Variants in ROBO2 observed in about 807,000 individuals in gnomAD.
The protein encoded by ROBO2 is roundabout guidance receptor 2, also known as roundabout homolog 2.
A neutral mutation model predicts 160.8 loss-of-function variants in ROBO2; 53 were observed. That is an observed-to-expected ratio of 0.33 (90% CI 0.26 to 0.41). The LOEUF (loss-of-function observed/expected upper bound fraction) is 0.41. Among genes scored for constraint, ROBO2 ranks in the 10% least tolerant of loss-of-function variants. ROBO2 has a pLI of 1.00. For synonymous variants in ROBO2, 664 were observed against 611.7 expected, an observed-to-expected ratio of 1.09 and a Z score of -1.26; for missense variants, 1,577 against 1,722.4, an observed-to-expected ratio of 0.92 and a Z score of 1.49.
intron 9 of ROBO2, among the ~76,000 whole-genome samples, chr3:77,562,182 C>T: frequency 6.6e-6 from 1 of 152,030 alleles, no homozygotes; most frequent in Non-Finnish European, 1.5e-5. Context: ...CCCTTATTGT[C>T]TTATTGCTTA....
intron 2 of ROBO2, among the ~76,000 whole-genome samples, chr3:76,414,437 T>C (rs1418026347): frequency 6.6e-6 from 1 of 151,822 alleles, no homozygotes; most frequent in East Asian, 1.9e-4. Flanking sequence ...TATGCAGCCA[T>C]AAAAAATGAT....
intron 2 of ROBO2, among the ~76,000 whole-genome samples, chr3:77,295,566 AATTG>A (rs2061976737): frequency 1.2e-5 from 1 of 85,788 alleles, no homozygotes; most frequent in Non-Finnish European, 3.0e-5. Flanking sequence ...CATAAAGTAA[AATTG>A]ACTGTTAAAC....
chr3:77,522,209 T>C lies in ROBO2; in HGVS notation c.807-566T>C, dbSNP rs1448033288. ...ACGTGAACGAGCTGAGGATGTGCAT[T>C]TCCAAAAATCACTCCAAGGCATGTT... is the stretch of plus-strand genomic sequence containing the variant. On this transcript the variant is annotated intron_variant, in intron 5 of 25. Coordinates refer to ENST00000461745, the Ensembl canonical transcript of ROBO2. Among the ~76,000 whole-genome samples the C allele has an allele frequency of 2.6e-5, 4 of 151,198 alleles. No individual in the cohort carries two copies. In the East Asian group the frequency reaches 5.9e-4, roughly 22 times the overall value.
intron 2 of ROBO2, among the ~76,000 whole-genome samples, chr3:77,144,871 T>A (rs1307055695): frequency 6.6e-6 from 1 of 152,230 alleles, no homozygotes; most frequent in East Asian, 1.9e-4. Context: ...GAAATAATTT[T>A]TTATTAATGC....
At chr3:77,080,317 G>T (rs540465214) in intron 1 of ROBO2, among the ~76,000 whole-genome samples, 5 of 152,134 alleles carry the variant, frequency 3.3e-5, no homozygotes, top group Non-Finnish European at 7.3e-5. Context: ...TTAATTTTGA[G>T]AGCAAATTTA....
At chr3:76,547,391 T>C (rs2083168478) in intron 2 of ROBO2, among the ~76,000 whole-genome samples, 1 of 151,980 alleles carries the variant, frequency 6.6e-6, no homozygotes, top group Non-Finnish European at 1.5e-5. Context: ...GTCATTTGTA[T>C]AACACCACAT....
chr3:76,982,181 C>G (rs1005669544), intron 2 of ROBO2, among the ~76,000 whole-genome samples: 2 of 152,096 alleles, frequency 1.3e-5, no homozygotes, highest in Non-Finnish European at 2.9e-5. Context: ...AAGATTTACC[C>G]CTATGTTTTC....
At chr3:77,572,756 A>G (rs1486754334) in intron 13 of ROBO2, among the ~76,000 whole-genome samples, 2 of 151,660 alleles carry the variant, frequency 1.3e-5, no homozygotes, top group Admixed American at 1.3e-4. Context: ...TGCATTTTTA[A>G]CTTTCTAAAG....
chr3:76,877,365 T>C (rs531323714), intron 2 of ROBO2, among the ~76,000 whole-genome samples: 1 of 152,300 alleles, frequency 6.6e-6, no homozygotes, highest in East Asian at 1.9e-4. Flanking sequence ...CCAAGCCTAA[T>C]TAATTTAGTA....
intron 2 of ROBO2, among the ~76,000 whole-genome samples, chr3:76,669,023 G>A (rs1467634462): frequency 6.6e-6 from 1 of 151,980 alleles, no homozygotes; most frequent in African/African-American, 2.4e-5. Context: ...AGCGAGAGAG[G>A]GGCATGCTTC....
At chr3:76,994,194 A>C (rs1021154159) in intron 2 of ROBO2, among the ~76,000 whole-genome samples, 8 of 152,176 alleles carry the variant, frequency 5.3e-5, no homozygotes, top group Non-Finnish European at 1.2e-4. Context: ...AAAAGGAGAA[A>C]ATATCTTTCA....
intron 14 of ROBO2, among the ~76,000 whole-genome samples, chr3:77,575,452 T>G (rs2153671352): frequency 6.6e-6 from 1 of 152,214 alleles, no homozygotes; most frequent in Non-Finnish European, 1.5e-5. Context: ...GCCCTTTCTT[T>G]AAACATATTT....
At chr3:76,651,459 A>G (rs1204758515) in intron 2 of ROBO2, among the ~76,000 whole-genome samples, 1 of 152,130 alleles carries the variant, frequency 6.6e-6, no homozygotes, top group Non-Finnish European at 1.5e-5. Context: ...GCATACATAA[A>G]AGTCACTTAA....
intron 2 of ROBO2, among the ~76,000 whole-genome samples, chr3:76,999,922 G>A (rs946937304): frequency 6.6e-6 from 1 of 152,004 alleles, no homozygotes; most frequent in African/African-American, 2.4e-5. Flanking sequence ...AATTTTCATT[G>A]CTTTTGTATC....
intron 2 of ROBO2, among the ~76,000 whole-genome samples, chr3:75,976,454 C>A (rs1047408257): frequency 6.6e-6 from 1 of 151,492 alleles, no homozygotes; most frequent in Non-Finnish European, 1.5e-5. Context: ...ACAGAAAGTA[C>A]ATACTGTATA....
chr3:77,230,211 C>A (rs528707027), intron 2 of ROBO2, among the ~76,000 whole-genome samples: 1 of 152,204 alleles, frequency 6.6e-6, no homozygotes, highest in South Asian at 2.1e-4. Context: ...CTTCAGCCTC[C>A]TGAGGAGCTG....
chr3:77,253,065 A>C (rs998062982), intron 2 of ROBO2, among the ~76,000 whole-genome samples: 1 of 151,922 alleles, frequency 6.6e-6, no homozygotes, highest in Non-Finnish European at 1.5e-5. Flanking sequence ...GAAGTGTTCT[A>C]AGTAAATTTC....
chr3:77,301,656 A>G (rs1181720158), intron 2 of ROBO2, among the ~76,000 whole-genome samples: 1 of 152,206 alleles, frequency 6.6e-6, no homozygotes, highest in Non-Finnish European at 1.5e-5. Context: ...AGGCATAAAC[A>G]CTCCACTGAA....
chr3:77,203,711 A>G (rs990110802), intron 2 of ROBO2, among the ~76,000 whole-genome samples: 2 of 152,180 alleles, frequency 1.3e-5, no homozygotes, highest in African/African-American at 2.4e-5. Context: ...AGACATTTTG[A>G]TAATGATTGT....
Sources: gnomAD v4.1 joint callset for allele counts (sites outside exome capture counted in the v4.1 genomes callset) on GRCh38, gnomAD v4.1.1 for gene constraint, MANE v1.5 for transcripts, NCBI Gene and HGNC (gene_info 2026-07-23, HGNC 2026-07-21) for gene names.